Variants in OTUD7A observed in about 807,000 individuals in gnomAD.
The protein encoded by OTUD7A is OTU deubiquitinase 7A.
A neutral mutation model predicts 65.7 loss-of-function variants in OTUD7A; 12 were observed. The ratio of observed to expected loss-of-function variants is 0.18; its 90% CI spans 0.12 to 0.30. OTUD7A has a LOEUF of 0.30. OTUD7A is among the 10% of genes least tolerant of loss of function. The pLI, the probability that OTUD7A is intolerant of heterozygous loss-of-function variation, is 1.00. For synonymous variants in OTUD7A, 641 were observed against 586.3 expected, an observed-to-expected ratio of 1.09 and a Z score of -1.35; for missense variants, 1,148 against 1,304.8, an observed-to-expected ratio of 0.88 and a Z score of 1.85.
At chr15:31,559,254 AAC>A in intron 4 of OTUD7A, 67 bp from the exon 5 acceptor site, 1 of 1,425,020 alleles carries the variant, frequency 7.0e-7, no homozygotes, top group East Asian at 2.4e-5. Context: ...TATGTACATA[AAC>A]ACACATACTA....
At chr15:31,753,694 T>TA (rs1894708459) in intron 1 of OTUD7A, among the ~76,000 whole-genome samples, 1 of 13,106 alleles carries the variant, frequency 7.6e-5, no homozygotes, top group African/African-American at 2.8e-4. Flanking sequence ...GAGATATATA[T>TA]ATATATATTA....
At chr15:31,804,530 G>T (rs1840154240) in intron 1 of OTUD7A, among the ~76,000 whole-genome samples, 1 of 152,140 alleles carries the variant, frequency 6.6e-6, no homozygotes, top group African/African-American at 2.4e-5. Flanking sequence ...GCTGTGAGGG[G>T]TCTGAGAATT....
chr15:31,743,000 C>G (rs1894383707), intron 1 of OTUD7A, among the ~76,000 whole-genome samples: 1 of 151,956 alleles, frequency 6.6e-6, no homozygotes, highest in Admixed American at 6.5e-5. Context: ...AAATCCATAA[C>G]CATAGTGGAT....
intron 1 of OTUD7A, among the ~76,000 whole-genome samples, chr15:31,836,707 A>T (rs2140989158): frequency 6.6e-6 from 1 of 152,368 alleles, no homozygotes; most frequent in Middle Eastern, 3.4e-3. Flanking sequence ...AAATCAAGCC[A>T]TATAATCCAC....
chr15:31,850,885 C>T (rs1341576763), intron 1 of OTUD7A, among the ~76,000 whole-genome samples: 1 of 152,112 alleles, frequency 6.6e-6, no homozygotes, highest in African/African-American at 2.4e-5. Flanking sequence ...AGGCTGCAAT[C>T]CAGTGACAAA....
At chr15:31,626,920 C>T (rs71401621) in intron 3 of OTUD7A, among the ~76,000 whole-genome samples, 42,058 of 146,766 alleles carry the variant, frequency 0.29, 7,051 homozygotes, top group African/African-American at 0.47. Flanking sequence ...TTTATGGTTT[C>T]TTTTTTACAC....
At chr15:31,577,952 G>A (rs1172145167) in intron 3 of OTUD7A, among the ~76,000 whole-genome samples, 1 of 152,104 alleles carries the variant, frequency 6.6e-6, no homozygotes, top group Non-Finnish European at 1.5e-5. Flanking sequence ...ACAAAGAGAA[G>A]GAAGGAGCAC....
At chr15:31,852,940 G>A (rs62002755) in intron 1 of OTUD7A, among the ~76,000 whole-genome samples, 2 of 152,172 alleles carry the variant, frequency 1.3e-5, no homozygotes, top group Non-Finnish European at 2.9e-5. Context: ...AGGCCACCAG[G>A]ACCAGGCAGT....
At chr15:31,765,306 TTTCA>T (rs945594403) in intron 1 of OTUD7A, among the ~76,000 whole-genome samples, 20 of 152,256 alleles carry the variant, frequency 1.3e-4, no homozygotes, top group African/African-American at 4.8e-4. Flanking sequence ...CTGAGAATTA[TTTCA>T]TTGAGTTTTC....
At chr15:31,586,580 T>A (rs1004342393) in intron 3 of OTUD7A, among the ~76,000 whole-genome samples, 4 of 152,100 alleles carry the variant, frequency 2.6e-5, no homozygotes, top group Admixed American at 6.6e-5. Flanking sequence ...TTGGCAATGT[T>A]AAGGAGAGAT....
In OTUD7A at chr15:31,477,370, T is replaced by C. The variant is rs1402611984; in HGVS notation, c.*5924A>G. On this transcript the variant is annotated 3_prime_UTR_variant, in exon 13 of 13. Coordinates refer to ENST00000307050, the MANE Select transcript of OTUD7A (RefSeq NM_001382637.1). ...ATGGAGTGATGGGAACCCACTACTG[T>C]GCATCTGGCTACAAAAGCTACCTGC... The C allele has an allele frequency of 1.3e-5, 2 of 152,282 alleles. No individual in the cohort carries two copies. Among genetic ancestry groups the C allele is most frequent in the African/African-American group, 2.4e-5 (1 of 41,460 alleles). 9.4% of individuals were successfully genotyped at this position (152,282 alleles called of 1,614,324 possible). A position where few individuals can be genotyped will look rare whatever the true frequency, so the allele number is the denominator to read the frequency against.
At chr15:31,524,866 C>T (rs1223647295) in intron 8 of OTUD7A, among the ~76,000 whole-genome samples, 1 of 152,170 alleles carries the variant, frequency 6.6e-6, no homozygotes, top group African/African-American at 2.4e-5. Flanking sequence ...CCAAGTGGCC[C>T]CTGTGTCCCC....
intron 1 of OTUD7A, chr15:31,765,924 C>T (rs1895082747): frequency 7.7e-7 from 1 of 1,293,594 alleles, no homozygotes. Context: ...AGGTAAAGTC[C>T]TGTTTTTAAC....
At chr15:31,735,421 G>A (rs138519422) in intron 1 of OTUD7A, among the ~76,000 whole-genome samples, 6 of 152,168 alleles carry the variant, frequency 3.9e-5, no homozygotes, top group African/African-American at 7.2e-5. Context: ...CCAGCTACTC[G>A]GGAGGCTGAT....
chr15:31,505,703 TTATAAG>T (rs921209812), intron 8 of OTUD7A, among the ~76,000 whole-genome samples: 5 of 151,996 alleles, frequency 3.3e-5, no homozygotes, highest in Non-Finnish European at 5.9e-5. Flanking sequence ...ACATAATAGC[TTATAAG>T]TATATTAATA....
chr15:31,797,791 T>C (rs1257906903), intron 1 of OTUD7A, among the ~76,000 whole-genome samples: 3 of 152,212 alleles, frequency 2.0e-5, no homozygotes, highest in Non-Finnish European at 2.9e-5. Context: ...GTGCTGCTTC[T>C]CCGGTGCTGG....
chr15:31,505,862 G>T (rs1056929640), intron 8 of OTUD7A, among the ~76,000 whole-genome samples: 35 of 151,456 alleles, frequency 2.3e-4, no homozygotes, highest in Non-Finnish European at 4.4e-4. Flanking sequence ...CCATTCTCCT[G>T]CCTCAGCCTC....
At chr15:31,521,270 A>C (rs1236764000) in intron 8 of OTUD7A, among the ~76,000 whole-genome samples, 2 of 152,224 alleles carry the variant, frequency 1.3e-5, no homozygotes, top group Non-Finnish European at 2.9e-5. Flanking sequence ...AACATATTTA[A>C]ATAAATAATA....
chr15:31,774,773 G>C (rs1359709651), intron 1 of OTUD7A, among the ~76,000 whole-genome samples: 2 of 152,076 alleles, frequency 1.3e-5, no homozygotes, highest in Non-Finnish European at 2.9e-5. Flanking sequence ...CTTAATTTAG[G>C]AAAGGAAGAT....
Sources: allele counts gnomAD v4.1 joint callset (sites outside exome capture counted in the v4.1 genomes callset), GRCh38; gene constraint gnomAD v4.1.1; transcripts MANE v1.5; gene names NCBI Gene and HGNC (gene_info 2026-07-23, HGNC 2026-07-21).